DCC: variants seen among roughly 807,000 people sequenced by gnomAD.
DCC encodes the protein DCC netrin 1 receptor.
A neutral mutation model predicts 172.5 loss-of-function variants in DCC; 58 were observed. The observed-to-expected ratio is 0.34, with a 90% CI of 0.27 to 0.42. The LOEUF is 0.42. Among genes scored for constraint, DCC ranks in the 10% least tolerant of loss-of-function variants. The pLI, the probability that DCC is intolerant of heterozygous loss-of-function variation, is 1.00. For missense variants in DCC, 1,740 were observed against 1,791.0 expected (o/e 0.97, Z 0.51); for synonymous variants, 709 against 644.5 (o/e 1.10, Z -1.52).
chr18:52,966,072 T>C (rs1388795000), intron 5 of DCC, among the ~76,000 whole-genome samples: 1 of 152,154 alleles, frequency 6.6e-6, no homozygotes, highest in Admixed American at 6.6e-5. Context: ...ATACCTGAGA[T>C]AGACTGCTAG....
intron 1 of DCC, among the ~76,000 whole-genome samples, chr18:52,706,214 C>T (rs1211240892): frequency 1.3e-5 from 2 of 152,128 alleles, no homozygotes; most frequent in African/African-American, 4.8e-5. Flanking sequence ...ACTCATTGAA[C>T]CTTTGAACTC....
intron 17 of DCC, among the ~76,000 whole-genome samples, chr18:53,394,487 G>A (rs1908785417): frequency 6.6e-6 from 1 of 152,104 alleles, no homozygotes; most frequent in African/African-American, 2.4e-5. Flanking sequence ...ATCAAATGGA[G>A]ACATTTTCTA....
At chr18:52,476,488 A>G (rs1486815620) in intron 1 of DCC, among the ~76,000 whole-genome samples, 4 of 152,192 alleles carry the variant, frequency 2.6e-5, no homozygotes, top group Admixed American at 6.6e-5. Flanking sequence ...TCATTTGTAT[A>G]ATCTGTCATA....
intron 1 of DCC, among the ~76,000 whole-genome samples, chr18:52,500,834 T>C (rs1311531491): frequency 6.6e-6 from 1 of 152,198 alleles, no homozygotes; most frequent in Non-Finnish European, 1.5e-5. Context: ...CTTAGCCTTT[T>C]TGATTCTTAA....
intron 1 of DCC, among the ~76,000 whole-genome samples, chr18:52,739,985 T>A (rs191644073): frequency 5.3e-5 from 8 of 152,152 alleles, no homozygotes; most frequent in African/African-American, 1.7e-4. Context: ...AGAATATTTT[T>A]AGAATTTGGA....
chr18:52,717,285 C>A (rs547017058), intron 1 of DCC, among the ~76,000 whole-genome samples: 118 of 152,242 alleles, frequency 7.8e-4, no homozygotes, highest in African/African-American at 2.6e-3. Flanking sequence ...AACTGTATGT[C>A]ATATAACCTT....
At chr18:53,183,048 A>G (rs1489104682) in intron 9 of DCC, among the ~76,000 whole-genome samples, 2 of 152,120 alleles carry the variant, frequency 1.3e-5, no homozygotes, top group African/African-American at 4.8e-5. Context: ...ATGTTTTCCA[A>G]ATGTGATGTA....
At chr18:53,063,040 T>C (rs568365197) in intron 5 of DCC, among the ~76,000 whole-genome samples, 27 of 152,224 alleles carry the variant, frequency 1.8e-4, no homozygotes, top group African/African-American at 5.8e-4. Flanking sequence ...ATGTTTATTA[T>C]GTATGTTTTT....
intron 7 of DCC, among the ~76,000 whole-genome samples, chr18:53,091,482 T>C (rs985590895): frequency 6.6e-6 from 1 of 151,326 alleles, no homozygotes; most frequent in African/African-American, 2.4e-5. Flanking sequence ...ACAACATAAA[T>C]TTATTTCTCA....
intron 2 of DCC, among the ~76,000 whole-genome samples, chr18:52,825,766 G>GA (rs2038498610): frequency 6.6e-6 from 1 of 152,142 alleles, no homozygotes; most frequent in South Asian, 2.1e-4. Context: ...ACCTACAAGT[G>GA]AAAATCAATA....
chr18:52,927,948 A>G (rs935879436), intron 5 of DCC, among the ~76,000 whole-genome samples: 8 of 152,126 alleles, frequency 5.3e-5, no homozygotes, highest in Admixed American at 2.6e-4. Context: ...TCATTCTACC[A>G]TAAAGATACA....
chr18:52,635,574 A>G (rs1160403854), intron 1 of DCC, among the ~76,000 whole-genome samples: 2 of 152,238 alleles, frequency 1.3e-5, no homozygotes, highest in African/African-American at 4.8e-5. Flanking sequence ...CAGGATAATG[A>G]CAATTTATAA....
intron 5 of DCC, among the ~76,000 whole-genome samples, chr18:53,031,110 T>A (rs986038482): frequency 1.4e-4 from 22 of 151,984 alleles, no homozygotes; most frequent in African/African-American, 5.3e-4. Flanking sequence ...AATACAAAAA[T>A]TAGCCAGGTT....
At chr18:53,141,979 A>C (rs911435377) in intron 7 of DCC, among the ~76,000 whole-genome samples, 3 of 152,156 alleles carry the variant, frequency 2.0e-5, no homozygotes, top group African/African-American at 4.8e-5. Context: ...TCCTTTCCCT[A>C]GGCTCTGCCT....
intron 2 of DCC, among the ~76,000 whole-genome samples, chr18:52,862,102 T>A (rs2039152615): frequency 6.6e-6 from 1 of 151,942 alleles, no homozygotes; most frequent in African/African-American, 2.4e-5. Context: ...AATAACATGT[T>A]TATAGAAATA....
At chr18:53,517,881 ATGAGG>A (rs2046356077) in intron 27 of DCC, among the ~76,000 whole-genome samples, 1 of 152,148 alleles carries the variant, frequency 6.6e-6, no homozygotes, top group Non-Finnish European at 1.5e-5. Context: ...TCGATCACTT[ATGAGG>A]GATGCCTGAG....
intron 8 of DCC, among the ~76,000 whole-genome samples, chr18:53,159,577 C>T (rs181086820): frequency 6.6e-6 from 1 of 152,138 alleles, no homozygotes; most frequent in Admixed American, 6.6e-5. Context: ...TTCTTAAATA[C>T]AATAAAACTG....
chr18:52,833,680 A>G (rs1460847761), intron 2 of DCC, among the ~76,000 whole-genome samples: 1 of 152,166 alleles, frequency 6.6e-6, no homozygotes, highest in African/African-American at 2.4e-5. Context: ...CTGTTGGGAT[A>G]TGAGGTGAAA....
intron 5 of DCC, among the ~76,000 whole-genome samples, chr18:52,965,340 A>ATT (rs963795727): frequency 1.3e-5 from 2 of 150,746 alleles, no homozygotes; most frequent in African/African-American, 4.9e-5. Context: ...GACATGCTTG[A>ATT]TTTTTTTTTT....
Sources: allele counts gnomAD v4.1 joint callset (sites outside exome capture counted in the v4.1 genomes callset), GRCh38; gene constraint gnomAD v4.1.1; transcripts MANE v1.5; gene names NCBI Gene and HGNC (gene_info 2026-07-23, HGNC 2026-07-21).